Variants in TSPAN18 observed in about 807,000 individuals in gnomAD.
TSPAN18 encodes tetraspanin-18.
Under a neutral mutation model 27.3 loss-of-function variants are expected in TSPAN18, and 14 were observed. That is an observed-to-expected ratio of 0.51 (90% CI 0.34 to 0.80). The LOEUF (loss-of-function observed/expected upper bound fraction) is 0.80. Among genes scored for constraint, TSPAN18 ranks in the 30% least tolerant of loss-of-function variants. The pLI is 0.01. For missense variants in TSPAN18, 268 were observed against 323.9 expected (o/e 0.83, Z 1.32); for synonymous variants, 143 against 136.5 (o/e 1.05, Z -0.33).
chr11:44,780,252 G>T (rs544037591), intron 2 of TSPAN18, among the ~76,000 whole-genome samples: 1 of 152,140 alleles, frequency 6.6e-6, no homozygotes, highest in Non-Finnish European at 1.5e-5. Flanking sequence ...CAAGCTATTA[G>T]ATGAAATTGA....
chr11:44,880,616 G>A (rs1858464524), intron 3 of TSPAN18, among the ~76,000 whole-genome samples: 2 of 152,242 alleles, frequency 1.3e-5, no homozygotes, highest in African/African-American at 4.8e-5. Flanking sequence ...GCCACTGAGA[G>A]ATGAATCTTA....
chr11:44,767,725 T>A (rs1386212313), intron 2 of TSPAN18, among the ~76,000 whole-genome samples: 1 of 152,206 alleles, frequency 6.6e-6, no homozygotes, highest in East Asian at 1.9e-4. Flanking sequence ...ATTCTAAGAG[T>A]TTTATTTAGC....
intron 2 of TSPAN18, among the ~76,000 whole-genome samples, chr11:44,807,395 G>A (rs1856620658): frequency 9.0e-6 from 1 of 110,682 alleles, no homozygotes; most frequent in South Asian, 2.8e-4. Context: ...AGGTGTGGTG[G>A]TGCGTGCCTG....
rs200725507 is a variant in TSPAN18, at chr11:44,919,793, A to G, written c.433-24A>G. On this transcript the variant is annotated intron_variant, in intron 7 of 9. Coordinates refer to ENST00000520358, the MANE Select transcript of TSPAN18 (RefSeq NM_130783.5). ...CTGTGTCCTCCTCCTGCCCACCAGA[A>G]CCTTCTCTGGGATCTCCCCCTAGTT... 1.2e-4 allele frequency: 198 copies of G among 1,612,992 alleles called. 2 individuals are homozygous for G. In the African/African-American group the frequency reaches 1.9e-3, roughly 15 times the overall value.
intron 2 of TSPAN18, among the ~76,000 whole-genome samples, chr11:44,822,121 C>T (rs1374253746): frequency 6.6e-6 from 1 of 152,118 alleles, no homozygotes; most frequent in Non-Finnish European, 1.5e-5. Flanking sequence ...GGGATAGGGA[C>T]ATTAGAGAAC....
At chr11:44,734,673 G>C (rs1297335745) in intron 1 of TSPAN18, among the ~76,000 whole-genome samples, 1 of 152,230 alleles carries the variant, frequency 6.6e-6, no homozygotes. Context: ...GCTTCCATTT[G>C]AAACGGGACA....
intron 2 of TSPAN18, among the ~76,000 whole-genome samples, chr11:44,772,745 G>A (rs1168474173): frequency 6.6e-6 from 1 of 152,096 alleles, no homozygotes; most frequent in Non-Finnish European, 1.5e-5. Context: ...TGCAACTTCC[G>A]CCTCCCCGGT....
chr11:44,746,252 GCTTCTC>G (rs1855074328), intron 1 of TSPAN18, among the ~76,000 whole-genome samples: 1 of 152,138 alleles, frequency 6.6e-6, no homozygotes, highest in Non-Finnish European at 1.5e-5. Context: ...CAAGACAAAT[GCTTCTC>G]TCTGGGACTC....
chr11:44,751,588 T>C (rs1412653134), intron 1 of TSPAN18, among the ~76,000 whole-genome samples: 1 of 152,152 alleles, frequency 6.6e-6, no homozygotes, highest in African/African-American at 2.4e-5. Context: ...GTTTCTGCGT[T>C]TAAATAATAA....
chr11:44,766,057 G>A (rs556534234), intron 2 of TSPAN18, among the ~76,000 whole-genome samples: 1 of 152,334 alleles, frequency 6.6e-6, no homozygotes, highest in Non-Finnish European at 1.5e-5. Flanking sequence ...AGATTGTAAA[G>A]TGCTGCACCA....
At chr11:44,736,863 A>G (rs576616330) in intron 1 of TSPAN18, among the ~76,000 whole-genome samples, 2 of 152,370 alleles carry the variant, frequency 1.3e-5, no homozygotes, top group African/African-American at 4.8e-5. Flanking sequence ...TTTGATTAAA[A>G]TGCATAAATG....
At chr11:44,748,439 G>C (rs1371241439) in intron 1 of TSPAN18, among the ~76,000 whole-genome samples, 1 of 151,330 alleles carries the variant, frequency 6.6e-6, no homozygotes, top group Non-Finnish European at 1.5e-5. Flanking sequence ...TTCTTCCACA[G>C]TATTTCAGAT....
intron 2 of TSPAN18, among the ~76,000 whole-genome samples, chr11:44,797,374 A>C (rs1856373319): frequency 6.6e-6 from 1 of 152,170 alleles, no homozygotes; most frequent in South Asian, 2.1e-4. Context: ...CTGAGAGGCC[A>C]GGTGAGTGGG....
intron 3 of TSPAN18, chr11:44,903,468 C>A (rs867957656): frequency 2.2e-6 from 1 of 456,514 alleles, no homozygotes. Flanking sequence ...AGCTTGGTCT[C>A]CTGTAGAGGT....
At chr11:44,919,628 A>G (rs1185392086) in intron 7 of TSPAN18, 189 bp from the exon 8 acceptor site, 2 of 652,792 alleles carry the variant, frequency 3.1e-6, no homozygotes, top group Admixed American at 2.7e-5. Context: ...CCTCTGTTAT[A>G]GAGATGAGGA....
intron 2 of TSPAN18, among the ~76,000 whole-genome samples, chr11:44,800,022 T>G (rs1279146816): frequency 2.0e-5 from 3 of 147,382 alleles, no homozygotes; most frequent in Admixed American, 2.0e-4. Context: ...TTTTTTTTTT[T>G]TTTTTTGTAT....
intron 3 of TSPAN18, among the ~76,000 whole-genome samples, chr11:44,900,680 C>CTTTTTTTTTTTTTTTTTTTTT (rs72469181): frequency 2.0e-5 from 1 of 49,702 alleles, no homozygotes; most frequent in African/African-American, 9.0e-5. Flanking sequence ...TTGAGGAAGG[C>CTTTTTTTTTTTTTTTTTTTTT]TTTTTTTTTT....
chr11:44,877,362 G>A (rs1858365728), intron 3 of TSPAN18, among the ~76,000 whole-genome samples: 1 of 152,242 alleles, frequency 6.6e-6, no homozygotes, highest in Non-Finnish European at 1.5e-5. Flanking sequence ...CCCAGGAAGA[G>A]TGACCTGGAG....
rs1215132716 is a variant in TSPAN18, at chr11:44,860,479, G to A, written c.-11+10G>A. On this transcript the variant is annotated intron_variant, in intron 3 of 9. Transcript: ENST00000520358. Reference sequence around the variant, plus strand: ...AACGCTGGCTCTCCAGGTAACAGAGGTTAGGCTCATTCAGCAAGGGGATTT... The same window carrying A: ...AACGCTGGCTCTCCAGGTAACAGAGATTAGGCTCATTCAGCAAGGGGATTT... 1.1e-5 allele frequency: 1 copy of A among 92,736 alleles called. No homozygotes were observed. The highest frequency in any genetic ancestry group is 3.9e-5 in the African/African-American group (1 of 25,524). The allele number at this position is 92,736 out of a possible 1,614,324, so 5.7% of individuals were successfully genotyped here.
Sources: allele counts gnomAD v4.1 joint callset (sites outside exome capture counted in the v4.1 genomes callset), GRCh38; gene constraint gnomAD v4.1.1; transcripts MANE v1.5; gene names NCBI Gene and HGNC (gene_info 2026-07-23, HGNC 2026-07-21).